ADAMTS17: variants seen among roughly 807,000 people sequenced by gnomAD.
ADAMTS17 encodes the protein ADAM metallopeptidase with thrombospondin type 1 motif 17.
A neutral mutation model predicts 141.5 loss-of-function variants in ADAMTS17; 113 were observed. That is an observed-to-expected ratio of 0.80 (90% CI 0.69 to 0.93). The LOEUF (loss-of-function observed/expected upper bound fraction) is 0.93. Ranked by LOEUF, ADAMTS17 falls within the 40% of genes least tolerant of loss-of-function variation. The probability of loss-of-function intolerance (pLI) is 0.00; values close to 1 mark genes in which losing one functional copy is unlikely to be tolerated. For synonymous variants in ADAMTS17, 768 were observed against 630.6 expected (o/e 1.22, Z -3.27); for missense variants, 1,659 against 1,517.9 (o/e 1.09, Z -1.54).
chr15:100,162,940 A>G (rs914595549), intron 8 of ADAMTS17, among the ~76,000 whole-genome samples: 1 of 144,792 alleles, frequency 6.9e-6, no homozygotes, highest in South Asian at 2.2e-4. Context: ...ATATATGTAT[A>G]TATTTGTGTA....
chr15:100,074,925 T>G (rs774844322), intron 15 of ADAMTS17, among the ~76,000 whole-genome samples: 38 of 152,300 alleles, frequency 2.5e-4, no homozygotes, highest in Non-Finnish European at 4.1e-4. Flanking sequence ...ATTTTACATA[T>G]TTGTACTTTC....
chr15:100,250,953 C>G (rs1475525848), intron 7 of ADAMTS17, among the ~76,000 whole-genome samples: 3 of 152,120 alleles, frequency 2.0e-5, no homozygotes, highest in Non-Finnish European at 4.4e-5. Flanking sequence ...CTGCCATAAC[C>G]CCAGTTTTTA....
intron 3 of ADAMTS17, among the ~76,000 whole-genome samples, chr15:100,283,542 G>A (rs931627000): frequency 3.3e-5 from 5 of 152,220 alleles, no homozygotes; most frequent in Admixed American, 6.5e-5. Flanking sequence ...AATGGCAGCC[G>A]CCGCCCTTCT....
At chr15:100,054,156 C>A in intron 15 of ADAMTS17, 102 bp from the exon 16 acceptor site, 6 of 1,362,902 alleles carry the variant, frequency 4.4e-6, no homozygotes, top group Non-Finnish European at 6.3e-6. Flanking sequence ...GCAGAGGTCT[C>A]CCTTCCACAG....
At chr15:100,096,587 G>A (rs372991949) in intron 14 of ADAMTS17, 111 bp from the exon 15 acceptor site, 3 of 1,420,992 alleles carry the variant, frequency 2.1e-6, no homozygotes, top group South Asian at 1.2e-5. Context: ...TGGGGCCTGG[G>A]GCCCTGATCC....
intron 7 of ADAMTS17, among the ~76,000 whole-genome samples, chr15:100,249,034 C>T (rs914842360): frequency 2.0e-5 from 3 of 151,982 alleles, no homozygotes; most frequent in Admixed American, 6.5e-5. Context: ...CTTGACCTCA[C>T]GTGATCCGCC....
intron 8 of ADAMTS17, among the ~76,000 whole-genome samples, chr15:100,196,430 G>C (rs1199184892): frequency 6.6e-6 from 1 of 152,206 alleles, no homozygotes; most frequent in African/African-American, 2.4e-5. Context: ...ACACAGAAGT[G>C]GAATTTTTTT....
chr15:100,275,772 C>G (rs2044060016), intron 4 of ADAMTS17, among the ~76,000 whole-genome samples: 2 of 151,814 alleles, frequency 1.3e-5, no homozygotes, highest in African/African-American at 4.8e-5. Context: ...CACATCTTCC[C>G]TTGGGGCCAG....
intron 8 of ADAMTS17, among the ~76,000 whole-genome samples, chr15:100,196,204 T>C (rs762194470): frequency 8.5e-5 from 13 of 152,226 alleles, no homozygotes; most frequent in African/African-American, 2.7e-4. Flanking sequence ...AGCCAGTTTA[T>C]TGTACCAAAT....
At chr15:100,292,213 A>G (rs1370729319) in intron 3 of ADAMTS17, among the ~76,000 whole-genome samples, 2 of 150,474 alleles carry the variant, frequency 1.3e-5, no homozygotes, top group Non-Finnish European at 3.0e-5. Flanking sequence ...AGACACGCTC[A>G]CCCCGTGGGG....
chr15:100,148,287 G>C (rs537807417), intron 10 of ADAMTS17, among the ~76,000 whole-genome samples: 1 of 152,334 alleles, frequency 6.6e-6, no homozygotes, highest in South Asian at 2.1e-4. Flanking sequence ...AAGACTTTGA[G>C]TGTATCTAAA....
intron 15 of ADAMTS17, among the ~76,000 whole-genome samples, chr15:100,083,914 A>T (rs1326282019): frequency 2.0e-5 from 3 of 151,860 alleles, no homozygotes; most frequent in African/African-American, 7.3e-5. Flanking sequence ...TCCCAGTGTG[A>T]GCGATGAAGA....
chr15:100,086,127 G>A (rs1322837835), intron 15 of ADAMTS17, among the ~76,000 whole-genome samples: 1 of 152,000 alleles, frequency 6.6e-6, no homozygotes, highest in Non-Finnish European at 1.5e-5. Flanking sequence ...ACACACATAG[G>A]CTCAAAATAA....
At chr15:100,185,711 G>A (rs747848708) in intron 8 of ADAMTS17, among the ~76,000 whole-genome samples, 1 of 152,124 alleles carries the variant, frequency 6.6e-6, no homozygotes, top group Non-Finnish European at 1.5e-5. Flanking sequence ...TCATGCCCTG[G>A]CATCCTCCAA....
intron 18 of ADAMTS17, among the ~76,000 whole-genome samples, chr15:100,044,000 A>G (rs2031480986): frequency 6.6e-6 from 1 of 152,214 alleles, no homozygotes; most frequent in South Asian, 2.1e-4. Context: ...TTTGTTTTGT[A>G]GGTGTTTTCC....
At chr15:100,089,624 C>A (rs1567154943) in intron 15 of ADAMTS17, among the ~76,000 whole-genome samples, 3 of 151,880 alleles carry the variant, frequency 2.0e-5, no homozygotes, top group Admixed American at 1.3e-4. Flanking sequence ...AAATGTGGCA[C>A]ATATACACCA....
Position 100,032,215 on chromosome 15 carries a change from C to T in ADAMTS17, c.2591+16642G>A, listed in dbSNP as rs1274838950. Among the ~76,000 whole-genome samples the T allele has an allele frequency of 3.9e-5, 6 of 152,122 alleles. No individual in the cohort carries two copies. The East Asian group carries it at 1.2e-3, about 29-fold the overall frequency. On this transcript the variant is annotated intron_variant, in intron 18 of 21. Coordinates refer to ENST00000268070, the MANE Select transcript of ADAMTS17 (RefSeq NM_139057.4). ...GGTTACTTGGGGTCTGACTGAGAGTCCCTCCCAGCCCCTCCAAGCTCAAGG... is the reference window on the plus strand; with the variant it reads ...GGTTACTTGGGGTCTGACTGAGAGTTCCTCCCAGCCCCTCCAAGCTCAAGG...
Position 100,034,459 on chromosome 15 carries a change from G to A in ADAMTS17, c.2591+14398C>T, listed in dbSNP as rs2030503151. The stretch of plus-strand genomic sequence containing the variant: ...AAGGAGGCTGCAGAGCATGCAGTCT[G>A]CAGCCTGGGAAGCACCTGCCACTAC... On this transcript the variant is annotated intron_variant, in intron 18 of 21. Transcript: ENST00000268070. Among the ~76,000 whole-genome samples, 4 of 152,222 alleles carry A rather than the reference G, an allele frequency of 2.6e-5. No individual in the cohort carries two copies. In the South Asian group the frequency reaches 8.3e-4, roughly 31 times the overall value.
intron 6 of ADAMTS17, among the ~76,000 whole-genome samples, chr15:100,257,572 A>G (rs1394554219): frequency 6.6e-6 from 1 of 152,208 alleles, no homozygotes; most frequent in Non-Finnish European, 1.5e-5. Context: ...AAGACGCCAA[A>G]TGCATCCTTC....
Sources: gnomAD v4.1 joint callset for allele counts (sites outside exome capture counted in the v4.1 genomes callset) on GRCh38, gnomAD v4.1.1 for gene constraint, MANE v1.5 for transcripts, NCBI Gene and HGNC (gene_info 2026-07-23, HGNC 2026-07-21) for gene names.